The following AP4E1 variants were observed in gnomAD, a reference collection of about 807,000 sequenced individuals.
AP4E1 encodes the protein adaptor related protein complex 4 subunit epsilon 1.
In AP4E1, 56 loss-of-function variants were observed where a neutral mutation model predicts 128.2. The ratio of observed to expected loss-of-function variants is 0.44; its 90% CI spans 0.35 to 0.55. The LOEUF is 0.55. Ranked by LOEUF, AP4E1 falls within the 20% of genes least tolerant of loss-of-function variation. AP4E1 has a pLI of 0.00. For missense variants in AP4E1, 1,324 were observed against 1,307.7 expected, an observed-to-expected ratio of 1.01 and a Z score of -0.19; for synonymous variants, 484 against 473.1, an observed-to-expected ratio of 1.02 and a Z score of -0.30.
At chr15:50,945,433 A>G (rs2140852400) in intron 10 of AP4E1, 1 of 777,382 alleles carries the variant, frequency 1.3e-6, no homozygotes, top group Middle Eastern at 2.5e-4. Context: ...TACGGCAGCA[A>G]ATGAAGACTA....
At chr15:50,931,975 T>C (rs1454313259) in intron 7 of AP4E1, among the ~76,000 whole-genome samples, 2 of 151,900 alleles carry the variant, frequency 1.3e-5, no homozygotes, top group African/African-American at 4.8e-5. Context: ...TACTTTCAAT[T>C]TTGCCATTTT....
chr15:50,927,887 A>G (rs1258359480), intron 5 of AP4E1, among the ~76,000 whole-genome samples: 2 of 152,170 alleles, frequency 1.3e-5, no homozygotes, highest in South Asian at 2.1e-4. Flanking sequence ...CACTTTTGTG[A>G]TGTTTGCTGC....
intron 14 of AP4E1, among the ~76,000 whole-genome samples, chr15:50,962,788 C>T (rs1033625190): frequency 8.3e-5 from 12 of 144,948 alleles, no homozygotes; most frequent in African/African-American, 1.3e-4. Flanking sequence ...GCACAGCAAA[C>T]GATACAATCA....
intron 16 of AP4E1, among the ~76,000 whole-genome samples, chr15:50,992,548 G>A (rs1004155923): frequency 6.6e-6 from 1 of 152,122 alleles, no homozygotes; most frequent in Non-Finnish European, 1.5e-5. Flanking sequence ...TGCAACTTTT[G>A]TGACAACATT....
At chr15:50,939,512 C>T (rs1232083466) in intron 8 of AP4E1, among the ~76,000 whole-genome samples, 1 of 151,582 alleles carries the variant, frequency 6.6e-6, no homozygotes, top group African/African-American at 2.4e-5. Context: ...CAATTATGAA[C>T]TTATACTTAG....
intron 13 of AP4E1, among the ~76,000 whole-genome samples, chr15:50,952,659 T>C (rs2064167845): frequency 6.6e-6 from 1 of 152,158 alleles, no homozygotes; most frequent in Non-Finnish European, 1.5e-5. Context: ...GGATCACAAA[T>C]TGCCTTTACT....
chr15:50,925,397 G>C (rs961692033), intron 5 of AP4E1, among the ~76,000 whole-genome samples, 178 bp downstream of exon 5: 21 of 152,132 alleles, frequency 1.4e-4, no homozygotes, highest in African/African-American at 4.8e-4. Flanking sequence ...GGAAATGTTA[G>C]ACAGCTTTCT....
In AP4E1 at chr15:50,941,654, C is replaced by T. The variant is rs374764213; in HGVS notation, c.1067-12C>T. ...TTTCAATTCACTTTGTATAATGTGT[C>T]TTTGTTTCTAGGACTGAAGGCTCTT... On this transcript the variant is annotated splice_polypyrimidine_tract_variant and intron_variant, in intron 9 of 20. Coordinates refer to ENST00000261842, the MANE Select transcript of AP4E1 (RefSeq NM_007347.5). The T allele has an allele frequency of 1.9e-6, 3 of 1,612,406 alleles. No homozygotes were observed. The highest frequency in any genetic ancestry group is 2.5e-6 in the Non-Finnish European group (3 of 1,178,706).
chr15:50,908,507 GA>G (rs2063522281), upstream of AP4E1: 2 of 380,954 alleles, frequency 5.2e-6, no homozygotes, highest in Admixed American at 4.9e-5. Flanking sequence ...GGTTCTGGGG[GA>G]TTCCGGAACC....
At chr15:51,000,916 G>A in intron 19 of AP4E1, 110 bp from the exon 20 acceptor site, 1 of 894,964 alleles carries the variant, frequency 1.1e-6, no homozygotes, top group Non-Finnish European at 1.7e-6. Context: ...AATCTTATGG[G>A]ACCCAGATTT....
chr15:51,005,584 T>G lies in AP4E1; in HGVS notation c.*2922T>G, dbSNP rs1344299206. On this transcript the variant is annotated 3_prime_UTR_variant, in exon 21 of 21. Transcript: ENST00000261842. ...AGCATTATTTTAAACAATGTTCTAC[T>G]ATCATCTACCAAAATAATTGTGGTA... The G allele has an allele frequency of 6.6e-6, 1 of 152,636 alleles. No homozygotes were observed. The highest frequency in any genetic ancestry group is 2.4e-5 in the African/African-American group (1 of 41,464). 9.5% of individuals were successfully genotyped at this position (152,636 alleles called of 1,614,324 possible).
In AP4E1 at chr15:50,923,983, C is replaced by G. The variant is rs754675487; in HGVS notation, c.399C>G (p.Leu133=). ...ATGAAAGTCATGAATTATTGCTTCT[C>G]CTTGTGAATACAGTTGTAAAGGTAT... ...FLHESHELLL[L]LVNTVVKDLQ... Residue 133 remains leucine (L), a synonymous_variant, in exon 4 of 21, where the codon CTC becomes CTG. Transcript: ENST00000261842. The G allele has an allele frequency of 2.7e-5, 44 of 1,610,468 alleles. No individual in the cohort carries two copies. The highest frequency in any genetic ancestry group is 1.6e-4 in the Middle Eastern group (1 of 6,066).
At chr15:50,908,600 G>A, upstream of AP4E1, 3 of 785,464 alleles carry the variant, frequency 3.8e-6, no homozygotes, top group Non-Finnish European at 5.4e-6. Flanking sequence ...GGTCTCTTGC[G>A]CCCTCTGGTG....
At chr15:50,986,248 T>C (rs1331987486) in intron 16 of AP4E1, among the ~76,000 whole-genome samples, 1 of 152,212 alleles carries the variant, frequency 6.6e-6, no homozygotes, top group Non-Finnish European at 1.5e-5. Context: ...TCATGTCATC[T>C]GCAAACAGGG....
At chr15:50,927,022 C>T (rs190685246) in intron 5 of AP4E1, among the ~76,000 whole-genome samples, 13 of 152,196 alleles carry the variant, frequency 8.5e-5, no homozygotes, top group East Asian at 3.9e-4. Flanking sequence ...GTGTTTAGAA[C>T]GAAGGATGAT....
chr15:50,926,140 AT>A (rs1303158458), intron 5 of AP4E1, among the ~76,000 whole-genome samples: 1 of 151,600 alleles, frequency 6.6e-6, no homozygotes, highest in African/African-American at 2.4e-5. Context: ...TAATTAATTA[AT>A]TAATTAATTT....
At chr15:50,962,281 A>G (rs1287725828) in intron 14 of AP4E1, among the ~76,000 whole-genome samples, 2 of 152,096 alleles carry the variant, frequency 1.3e-5, no homozygotes, top group African/African-American at 4.8e-5. Flanking sequence ...GTAGAGAACC[A>G]TGAGACTCTG....
chr15:50,923,366 G>A (rs184669911), intron 3 of AP4E1, among the ~76,000 whole-genome samples: 1 of 152,186 alleles, frequency 6.6e-6, no homozygotes, highest in Admixed American at 6.5e-5. Context: ...ATTTAATGTG[G>A]CAGACAGTGT....
At chr15:50,934,886 C>T (rs2063886681) in intron 8 of AP4E1, among the ~76,000 whole-genome samples, 189 bp downstream of exon 8, 1 of 151,930 alleles carries the variant, frequency 6.6e-6, no homozygotes, top group African/African-American at 2.4e-5. Context: ...GAACTCATGG[C>T]ATGTTCTAAA....
Sources: gnomAD v4.1 joint callset for allele counts (sites outside exome capture counted in the v4.1 genomes callset) on GRCh38, gnomAD v4.1.1 for gene constraint, MANE v1.5 for transcripts, NCBI Gene and HGNC (gene_info 2026-07-23, HGNC 2026-07-21) for gene names.